The following CNTN1 variants were observed in gnomAD, a reference collection of about 807,000 sequenced individuals.
CNTN1 encodes the protein contactin-1.
In CNTN1, 38 loss-of-function variants were observed where a neutral mutation model predicts 126.4. The ratio of observed to expected loss-of-function variants is 0.30; its 90% CI spans 0.23 to 0.39. CNTN1 has a LOEUF of 0.39. CNTN1 is among the 10% of genes least tolerant of loss of function. CNTN1 has a pLI of 1.00. For synonymous variants in CNTN1, 413 were observed against 422.6 expected, an observed-to-expected ratio of 0.98 and a Z score of 0.28; for missense variants, 1,009 against 1,248.4, an observed-to-expected ratio of 0.81 and a Z score of 2.89.
chr12:40,704,649 C>T (rs1941691268), intron 1 of CNTN1, among the ~76,000 whole-genome samples: 1 of 152,032 alleles, frequency 6.6e-6, no homozygotes, highest in South Asian at 2.1e-4. Flanking sequence ...CGTATGGTTT[C>T]CTGTTTGTAT....
intron 1 of CNTN1, among the ~76,000 whole-genome samples, chr12:40,812,052 T>G (rs1212410200): frequency 1.3e-5 from 2 of 152,002 alleles, no homozygotes; most frequent in African/African-American, 4.8e-5. Context: ...TCCTTAGAAC[T>G]GCTTTTGCTG....
intron 1 of CNTN1, among the ~76,000 whole-genome samples, chr12:40,810,832 A>G (rs1380389140): frequency 3.3e-5 from 5 of 152,118 alleles, no homozygotes; most frequent in Non-Finnish European, 7.4e-5. Flanking sequence ...GCTAGGCAAC[A>G]TAGTAAGACC....
chr12:40,902,724 C>T lies in CNTN1; in HGVS notation c.-76-5633C>T, dbSNP rs537896122. 2.8e-4 allele frequency among the ~76,000 whole-genome samples: 43 copies of T among 152,266 alleles called. 1 individual carries two copies. The South Asian group carries it at 6.4e-3, about 23-fold the overall frequency. ...GTTTCATTTGTCATGATGGAACACA[C>T]TTTCATTACATAGCAGTACTAAATT... On this transcript the variant is annotated intron_variant, in intron 1 of 23. Coordinates refer to ENST00000551295, the MANE Select transcript of CNTN1 (RefSeq NM_001843.4).
chr12:40,935,514 A>C (rs1039132644), intron 9 of CNTN1, among the ~76,000 whole-genome samples: 2 of 152,148 alleles, frequency 1.3e-5, no homozygotes, highest in Non-Finnish European at 2.9e-5. Flanking sequence ...AGAAGGTTAC[A>C]TAATTAAGCC....
chr12:41,020,987 T>G (rs1387176235), intron 20 of CNTN1, among the ~76,000 whole-genome samples: 2 of 152,210 alleles, frequency 1.3e-5, no homozygotes, highest in Non-Finnish European at 2.9e-5. Context: ...TGAGAAAACT[T>G]GTCTTAGTCA....
At position 41,026,825 on chromosome 12, in the gene CNTN1, G is replaced by T. The variant is rs77915897; in HGVS notation, c.2711-1032G>T. 5.3e-3 allele frequency among the ~76,000 whole-genome samples: 811 copies of T among 152,296 alleles called. 3 individuals are homozygous for T. Among genetic ancestry groups the T allele is most frequent in the African/African-American group, 0.019 (777 of 41,574 alleles). The stretch of plus-strand genomic sequence containing the variant: ...CTGGCATCTGTACAGAAAATGGATT[G>T]TGGTGGGTTAACAGTGGAAGCAGAA... On this transcript the variant is annotated intron_variant, in intron 21 of 23. Coordinates refer to ENST00000551295, the MANE Select transcript of CNTN1 (RefSeq NM_001843.4).
intron 17 of CNTN1, among the ~76,000 whole-genome samples, chr12:41,012,651 A>G (rs1243492376): frequency 2.6e-5 from 4 of 152,154 alleles, no homozygotes; most frequent in African/African-American, 9.7e-5. Flanking sequence ...CAAGCAACCC[A>G]TGGGTTCTCC....
At chr12:40,701,046 G>C (rs777817321) in intron 1 of CNTN1, among the ~76,000 whole-genome samples, 1 of 152,170 alleles carries the variant, frequency 6.6e-6, no homozygotes, top group Non-Finnish European at 1.5e-5. Context: ...TTTAATTGCT[G>C]TGTTATTCAG....
At chr12:41,021,981 A>T (rs1485517781) in intron 20 of CNTN1, among the ~76,000 whole-genome samples, 4 of 152,070 alleles carry the variant, frequency 2.6e-5, no homozygotes, top group Non-Finnish European at 5.9e-5. Flanking sequence ...ATAAATATTG[A>T]AAAAAGGATA....
At chr12:41,016,367 A>G (rs369070288) in intron 18 of CNTN1, among the ~76,000 whole-genome samples, 130 of 152,158 alleles carry the variant, frequency 8.5e-4, no homozygotes, top group African/African-American at 3.0e-3. Context: ...AGGTGATTTT[A>G]CCTCGGGAAA....
intron 1 of CNTN1, among the ~76,000 whole-genome samples, chr12:40,795,311 ACACACACAT>A (rs1288728487): frequency 1.0e-3 from 7 of 6,854 alleles, no homozygotes; most frequent in South Asian, 6.3e-3. Flanking sequence ...ACACACACAC[ACACACACAT>A]TTTTTTTTTT....
At chr12:40,748,112 A>G (rs1474286476) in intron 1 of CNTN1, among the ~76,000 whole-genome samples, 1 of 152,132 alleles carries the variant, frequency 6.6e-6, no homozygotes, top group Non-Finnish European at 1.5e-5. Context: ...GGTTTTTAGT[A>G]TGTTTTGAGG....
Position 40,936,892 on chromosome 12 carries a change from A to G in CNTN1, c.1097A>G (p.Lys366Arg). 1 of 1,613,124 alleles carries G rather than the reference A, an allele frequency of 6.2e-7. No individual in the cohort carries two copies. The highest frequency in any genetic ancestry group is 8.5e-7 in the Non-Finnish European group (1 of 1,179,304). The change falls in exon 10 of 24, where the codon AAA (lysine) becomes AGA (arginine). Residue 366 changes from lysine to arginine, a missense_variant. Coordinates refer to ENST00000551295, the MANE Select transcript of CNTN1 (RefSeq NM_001843.4). ...GKPIPTIRWL[K>R]NGYAYHKGEL... is the part of the protein sequence containing the mutation. Reference sequence around the variant, plus strand: ...CCCATCCCTACAATCCGATGGTTGAAAAATGGATATGCGGTATGTATGTTC... The same window carrying G: ...CCCATCCCTACAATCCGATGGTTGAGAAATGGATATGCGGTATGTATGTTC...
intron 1 of CNTN1, among the ~76,000 whole-genome samples, chr12:40,734,346 C>T (rs529692786): frequency 2.4e-4 from 37 of 152,144 alleles, no homozygotes; most frequent in African/African-American, 8.7e-4. Context: ...ATGAAAACAG[C>T]CTATTTAAGA....
chr12:40,754,892 T>A (rs1938538969), intron 1 of CNTN1, among the ~76,000 whole-genome samples: 1 of 151,980 alleles, frequency 6.6e-6, no homozygotes, highest in Non-Finnish European at 1.5e-5. Flanking sequence ...ATTTTAAAAC[T>A]GATTTCTATA....
At chr12:40,742,255 G>T (rs1937974724) in intron 1 of CNTN1, 1 of 152,098 alleles carries the variant, frequency 6.6e-6, no homozygotes, top group African/African-American at 2.4e-5. Flanking sequence ...TGTTCAGCAA[G>T]GTGACTGCCA....
intron 1 of CNTN1, among the ~76,000 whole-genome samples, chr12:40,888,181 C>A (rs952779128): frequency 1.4e-4 from 21 of 151,936 alleles, no homozygotes; most frequent in African/African-American, 5.1e-4. Flanking sequence ...AATAAAGAGT[C>A]TTTTATCCTA....
intron 21 of CNTN1, among the ~76,000 whole-genome samples, chr12:41,026,399 T>C (rs1949038845): frequency 1.3e-5 from 2 of 152,094 alleles, no homozygotes; most frequent in Admixed American, 1.3e-4. Context: ...AATGAATAAA[T>C]AGACAAAAGT....
intron 1 of CNTN1, among the ~76,000 whole-genome samples, chr12:40,841,987 T>C (rs1942300780): frequency 7.1e-6 from 1 of 141,466 alleles, no homozygotes; most frequent in Admixed American, 7.2e-5. Flanking sequence ...CATAAATTTA[T>C]ACAAATTTTT....
Sources: gnomAD v4.1 joint callset for allele counts (sites outside exome capture counted in the v4.1 genomes callset) on GRCh38, gnomAD v4.1.1 for gene constraint, MANE v1.5 for transcripts, NCBI Gene and HGNC (gene_info 2026-07-23, HGNC 2026-07-21) for gene names.